The following PHF24 variants were observed in gnomAD, a reference collection of about 807,000 sequenced individuals.
PHF24 encodes Galpha inhibitory interacting protein.
Under a neutral mutation model 42.6 loss-of-function variants are expected in PHF24, and 25 were observed. The observed-to-expected ratio is 0.59, with a 90% CI of 0.43 to 0.82. The LOEUF is 0.82. Among genes scored for constraint, PHF24 ranks in the 40% least tolerant of loss-of-function variants. PHF24 has a pLI of 0.00. For missense variants in PHF24, 470 were observed against 538.1 expected (o/e 0.87, Z 1.25); for synonymous variants, 185 against 204.8 (o/e 0.90, Z 0.83).
At chr9:34,913,543 A>C in the PHF24 span, among the ~76,000 whole-genome samples, 3 of 152,204 alleles carry the variant, frequency 2.0e-5, no homozygotes, top group East Asian at 5.8e-4. Context: ...AACTTCAGAA[A>C]ATGTAAAGAG....
At chr9:34,907,608 C>T in the PHF24 span, among the ~76,000 whole-genome samples, 1 of 152,138 alleles carries the variant, frequency 6.6e-6, no homozygotes, top group Non-Finnish European at 1.5e-5. Context: ...CACAGATACT[C>T]CTTTCCTGTA....
the PHF24 span, among the ~76,000 whole-genome samples, chr9:34,807,940 A>C: frequency 6.6e-6 from 1 of 152,182 alleles, no homozygotes; most frequent in African/African-American, 2.4e-5. Flanking sequence ...CCATTATTTC[A>C]AATCTTCATT....
At chr9:34,749,503 TG>T in the PHF24 span, among the ~76,000 whole-genome samples, 1 of 151,550 alleles carries the variant, frequency 6.6e-6, no homozygotes, top group African/African-American at 2.4e-5. Context: ...AAGGCCAAGG[TG>T]GGAGGATTGC....
the PHF24 span, among the ~76,000 whole-genome samples, chr9:34,698,829 CT>C: frequency 1.3e-5 from 2 of 152,226 alleles, no homozygotes; most frequent in Non-Finnish European, 2.9e-5. Flanking sequence ...AGTTGCCCTG[CT>C]GCTCTGGCTG....
At chr9:34,834,802 A>G in the PHF24 span, 12 of 1,542,702 alleles carry the variant, frequency 7.8e-6, no homozygotes, top group East Asian at 2.7e-4. Context: ...GGTCAGATGG[A>G]GACACCCAAT....
the PHF24 span, among the ~76,000 whole-genome samples, chr9:34,822,734 A>G: frequency 6.6e-6 from 1 of 152,354 alleles, no homozygotes; most frequent in East Asian, 1.9e-4. Context: ...GTTCCTAAAT[A>G]GGATATCATC....
chr9:34,922,695 GT>G, the PHF24 span: 15 of 1,469,270 alleles, frequency 1.0e-5, no homozygotes, highest in Admixed American at 1.7e-4. Flanking sequence ...GCCATCTGCT[GT>G]TTTTTTCTCA....
chr9:34,758,023 T>A, the PHF24 span, among the ~76,000 whole-genome samples: 1 of 152,172 alleles, frequency 6.6e-6, no homozygotes, highest in Non-Finnish European at 1.5e-5. The surrounding 1 kb of genome is among the most constrained non-coding windows in gnomAD (Gnocchi z 4.4). Context: ...GGTGTATGTC[T>A]GCTGAGGGCA....
chr9:34,680,604 C>T, the PHF24 span, among the ~76,000 whole-genome samples: 7 of 147,060 alleles, frequency 4.8e-5, no homozygotes, highest in African/African-American at 1.2e-4. Context: ...AGGAGAATGG[C>T]GTGAACCCGG....
At chr9:34,690,999 C>T in the PHF24 span, 1 of 1,137,078 alleles carries the variant, frequency 8.8e-7, no homozygotes, top group African/African-American at 1.5e-5. Flanking sequence ...TCACCATGTC[C>T]CTTACGTCCA....
the PHF24 span, among the ~76,000 whole-genome samples, chr9:34,765,637 G>A: frequency 6.7e-6 from 1 of 148,510 alleles, no homozygotes; most frequent in South Asian, 2.2e-4. Flanking sequence ...ACACTGATGG[G>A]TCTTGACTCT....
chr9:34,917,685 C>G, the PHF24 span: 23 of 785,020 alleles, frequency 2.9e-5, no homozygotes, highest in South Asian at 5.4e-5. Flanking sequence ...GCAGACAGAA[C>G]CTATGGCAGG....
the PHF24 span, among the ~76,000 whole-genome samples, chr9:34,875,946 A>ACTCT: frequency 1.2e-4 from 11 of 89,074 alleles, no homozygotes; most frequent in African/African-American, 4.5e-4. Flanking sequence ...ACACACACAC[A>ACTCT]CACACTCTCT....
At chr9:34,905,404 A>T in the PHF24 span, among the ~76,000 whole-genome samples, 1 of 152,242 alleles carries the variant, frequency 6.6e-6, no homozygotes, top group African/African-American at 2.4e-5. Context: ...TGTTGAATAA[A>T]ACACTGTAGG....
At chr9:34,810,024 C>G in the PHF24 span, among the ~76,000 whole-genome samples, 1 of 151,156 alleles carries the variant, frequency 6.6e-6, no homozygotes, top group Admixed American at 6.6e-5. Flanking sequence ...CGCGCCGCCG[C>G]CGCCGCCCAC....
chr9:34,892,819 T>G, the PHF24 span: 1 of 677,006 alleles, frequency 1.5e-6, no homozygotes, highest in Non-Finnish European at 2.7e-6. Context: ...CCCAGGAATC[T>G]TGGACGCTGT....
the PHF24 span, among the ~76,000 whole-genome samples, chr9:34,881,119 T>C: frequency 1.3e-5 from 2 of 152,144 alleles, no homozygotes; most frequent in African/African-American, 4.8e-5. Flanking sequence ...ACTGGGTACA[T>C]AATGAAATGA....
the PHF24 span, among the ~76,000 whole-genome samples, chr9:34,769,157 C>T: frequency 4.6e-5 from 7 of 152,108 alleles, no homozygotes; most frequent in African/African-American, 9.7e-5. Context: ...TGCTCTGTCA[C>T]CCAGGCTGGA....
chr9:34,838,305 A>C, the PHF24 span: 1 of 725,696 alleles, frequency 1.4e-6, no homozygotes, highest in African/African-American at 1.7e-5. Context: ...AAAGCATATT[A>C]TCTGAGGCTT....
Sources: allele counts gnomAD v4.1 joint callset (sites outside exome capture counted in the v4.1 genomes callset), GRCh38; gene constraint gnomAD v4.1.1; non-coding constraint Gnocchi (gnomAD v3.1); transcripts MANE v1.5; gene names NCBI Gene and HGNC (gene_info 2026-07-23, HGNC 2026-07-21).